XPO5: variants seen among roughly 807,000 people sequenced by gnomAD.
The protein encoded by XPO5 is exportin-5.
XPO5 carries 46 observed loss-of-function variants against 160.6 expected under a neutral mutation model. That is an observed-to-expected ratio of 0.29 (90% CI 0.23 to 0.37). The LOEUF (loss-of-function observed/expected upper bound fraction) is 0.37, where lower values mean the gene tolerates loss of function less well. XPO5 is among the 10% of genes least tolerant of loss of function. The pLI, the probability that XPO5 is intolerant of heterozygous loss-of-function variation, is 1.00. For missense variants in XPO5, 1,090 were observed against 1,463.9 expected (o/e 0.74, Z 4.17); for synonymous variants, 537 against 519.3 (o/e 1.03, Z -0.46).
At chr6:43,567,529 A>T (rs1762756879) in intron 6 of XPO5, among the ~76,000 whole-genome samples, 175 bp from the exon 7 acceptor site, 1 of 152,170 alleles carries the variant, frequency 6.6e-6, no homozygotes, top group African/African-American at 2.4e-5. Context: ...CATTCTCAAC[A>T]TCCAACAACA....
At chr6:43,528,806 C>T (rs771432017) in intron 24 of XPO5, 22 bp downstream of exon 24, 1 of 1,608,900 alleles carries the variant, frequency 6.2e-7, no homozygotes, top group Non-Finnish European at 8.5e-7. Flanking sequence ...TCTTTGCTTC[C>T]TGTTCCTGAC....
rs1292483965 is a variant in XPO5, at chr6:43,565,573, A to T, written c.911+87T>A. The T allele has an allele frequency of 4.6e-6, 6 of 1,292,534 alleles. No individual in the cohort carries two copies. In the Admixed American group the frequency reaches 1.2e-4, roughly 25 times the overall value. 80.1% of individuals were successfully genotyped at this position (1,292,534 alleles called of 1,614,324 possible). Reference sequence around the variant, plus strand: ...GAGCGAGATCCATCTCAAAATAAAAAAAAAAAAAAGAACTTCAGATAAATC... The same window carrying T: ...GAGCGAGATCCATCTCAAAATAAAATAAAAAAAAAGAACTTCAGATAAATC... On this transcript the variant is annotated intron_variant, in intron 8 of 31. Transcript: ENST00000265351.
rs1561864627 is a variant in XPO5 at position 43,528,812 on chromosome 6, CTGACT to C, written c.2775+11_2775+15del. The C allele has an allele frequency of 6.2e-7, 1 of 1,611,408 alleles. No homozygotes were observed. The highest frequency in any genetic ancestry group is 8.5e-7 in the Non-Finnish European group (1 of 1,178,162). ...TAATAGTACTCTTTGCTTCCTGTTCCTGACTTATCTCTTACCATATGGAGGTAGGT... is the reference window on the plus strand; with the variant it reads ...TAATAGTACTCTTTGCTTCCTGTTCCTATCTCTTACCATATGGAGGTAGGT... On this transcript the variant is annotated intron_variant, in intron 24 of 31. Coordinates refer to ENST00000265351, the MANE Select transcript of XPO5 (RefSeq NM_020750.3).
At position 43,549,932 on chromosome 6, in the gene XPO5, T is replaced by C. The variant is rs372144429; in HGVS notation, c.1731A>G (p.Leu577=). 3.7e-6 allele frequency: 6 copies of C among 1,612,178 alleles called. No homozygotes were observed. Among genetic ancestry groups the C allele is most frequent in the Non-Finnish European group, 5.1e-6 (6 of 1,179,120 alleles). ...CAGTTTCAAAAGTGACAGATGAAAA[T>C]AGCTAAGGGAGAGGAGGAAAAAAGG... ...PEFLPQVFSK[L]FSSVTFETVE... The change falls in exon 16 of 32, where the codon CTA becomes CTG. Residue 577 remains leucine (L), a splice_region_variant and synonymous_variant. Coordinates refer to ENST00000265351, the MANE Select transcript of XPO5 (RefSeq NM_020750.3).
At chr6:43,536,800 C>T (rs1436882686) in intron 20 of XPO5, among the ~76,000 whole-genome samples, 8 of 108,584 alleles carry the variant, frequency 7.4e-5, no homozygotes, top group Non-Finnish European at 1.5e-4. Flanking sequence ...AGCAGCTTTA[C>T]TTTTTGGGTT....
intron 20 of XPO5, chr6:43,538,811 G>C: frequency 1.2e-6 from 1 of 868,180 alleles, no homozygotes; most frequent in Non-Finnish European, 1.7e-6. Context: ...TATTTTTCTT[G>C]TATAAAAACC....
At chr6:43,535,080 C>A (rs1179543837) in intron 20 of XPO5, among the ~76,000 whole-genome samples, 1 of 150,092 alleles carries the variant, frequency 6.7e-6, no homozygotes, top group Non-Finnish European at 1.5e-5. Context: ...ATCACGAGGT[C>A]ATGAGATCGA....
intron 18 of XPO5, 77 bp downstream of exon 18, chr6:43,548,184 C>T: frequency 7.1e-7 from 1 of 1,416,248 alleles, no homozygotes. Context: ...TTAACCCCTA[C>T]CCCACCCTGG....
chr6:43,530,843 G>A lies in XPO5; in HGVS notation c.2541-19C>T. 1 of 1,600,104 alleles carries A rather than the reference G, an allele frequency of 6.2e-7. No individual in the cohort carries two copies. Among genetic ancestry groups the A allele is most frequent in the Non-Finnish European group, 8.5e-7 (1 of 1,174,004 alleles). ...ATGAAAACTGTAAAGGGGAAAAAAAGAGCATTGAAAATGACAAATCCAACA... is the reference window on the plus strand; with the variant it reads ...ATGAAAACTGTAAAGGGGAAAAAAAAAGCATTGAAAATGACAAATCCAACA... On this transcript the variant is annotated intron_variant, in intron 22 of 31. Transcript: ENST00000265351.
intron 8 of XPO5, among the ~76,000 whole-genome samples, chr6:43,564,830 C>T (rs1762613978): frequency 6.6e-6 from 1 of 152,042 alleles, no homozygotes; most frequent in African/African-American, 2.4e-5. Flanking sequence ...GTCTCAAACT[C>T]CTGACTCAAT....
At chr6:43,527,067 G>T (rs755051895) in intron 26 of XPO5, 3 of 270,502 alleles carry the variant, frequency 1.1e-5, no homozygotes, top group East Asian at 1.4e-4. Flanking sequence ...AAAATAAAAA[G>T]AAAATTAACA....
Position 43,570,627 on chromosome 6 carries a change from T to C in XPO5, c.496A>G (p.Thr166Ala), listed in dbSNP as rs758970551. 1 of 1,613,838 alleles carries C rather than the reference T, an allele frequency of 6.2e-7. No individual in the cohort carries two copies. Among genetic ancestry groups the C allele is most frequent in the Non-Finnish European group, 8.5e-7 (1 of 1,179,826 alleles). Residue 166 changes from threonine (T) to alanine (A), a missense_variant, in exon 5 of 32, where the codon ACT (threonine) becomes GCT (alanine). Transcript: ENST00000265351. ...CTTTGAGGGGGAAGTGTCTGAAAAGTCACTACATCCTCTGCCAGTCGCAAA... is the reference window on the plus strand; with the variant it reads ...CTTTGAGGGGGAAGTGTCTGAAAAGCCACTACATCCTCTGCCAGTCGCAAA... ...ILLRLAEDVV[T>A]FQTLPPQRRR...
At chr6:43,527,795 G>C (rs1305529402) in intron 25 of XPO5, 64 bp from the exon 26 acceptor site, 4 of 1,561,524 alleles carry the variant, frequency 2.6e-6, no homozygotes, top group Middle Eastern at 1.7e-4. Flanking sequence ...GGAAAGCAGC[G>C]ACCCTAATCA....
chr6:43,573,765 G>A (rs1178724034), intron 1 of XPO5, among the ~76,000 whole-genome samples, 164 bp from the exon 2 acceptor site: 1 of 150,260 alleles, frequency 6.7e-6, no homozygotes, highest in Non-Finnish European at 1.5e-5. Flanking sequence ...AGGAGTCTGA[G>A]ACTAGCCTAG....
At chr6:43,564,776 G>T (rs1762609922) in intron 8 of XPO5, among the ~76,000 whole-genome samples, 1 of 151,860 alleles carries the variant, frequency 6.6e-6, no homozygotes, top group African/African-American at 2.4e-5. Flanking sequence ...ACTAATTTCT[G>T]TATTTTTTTG....
chr6:43,528,487 C>A (rs1191483431), intron 24 of XPO5, among the ~76,000 whole-genome samples: 1 of 152,038 alleles, frequency 6.6e-6, no homozygotes, highest in Non-Finnish European at 1.5e-5. Context: ...CTGTTCTCCA[C>A]CCAGCTGGTC....
chr6:43,554,430 T>TC (rs754886541), intron 13 of XPO5, among the ~76,000 whole-genome samples: 46 of 151,042 alleles, frequency 3.0e-4, no homozygotes, highest in Non-Finnish European at 6.1e-4. Context: ...TTCTTTTTTT[T>TC]TTTTTTCTTT....
intron 10 of XPO5, 30 bp from the exon 11 acceptor site, chr6:43,560,333 A>C: frequency 6.4e-7 from 1 of 1,571,324 alleles, no homozygotes; most frequent in South Asian, 1.2e-5. Context: ...AAAACGTCAA[A>C]GGATTTGGAT....
At chr6:43,550,118 A>G (rs1039807770) in intron 15 of XPO5, among the ~76,000 whole-genome samples, 184 bp from the exon 16 acceptor site, 10 of 152,170 alleles carry the variant, frequency 6.6e-5, no homozygotes, top group Admixed American at 3.9e-4. Context: ...TAACCTCTAC[A>G]AGAGTCATCG....
Sources: allele counts gnomAD v4.1 joint callset (sites outside exome capture counted in the v4.1 genomes callset), GRCh38; gene constraint gnomAD v4.1.1; transcripts MANE v1.5; gene names NCBI Gene and HGNC (gene_info 2026-07-23, HGNC 2026-07-21).